The following SHOC2 variants were observed in gnomAD, a reference collection of about 807,000 sequenced individuals.
SHOC2 encodes leucine-rich repeat protein SHOC-2.
SHOC2 carries 4 observed loss-of-function variants against 50.2 expected under a neutral mutation model. The observed-to-expected ratio is 0.08, with a 90% CI of 0.04 to 0.18. The LOEUF (loss-of-function observed/expected upper bound fraction) is 0.18, where lower values mean the gene tolerates loss of function less well. Among genes scored for constraint, SHOC2 ranks in the 10% least tolerant of loss-of-function variants. SHOC2 has a pLI of 1.00. For missense variants in SHOC2, 388 were observed against 669.6 expected, an observed-to-expected ratio of 0.58 and a Z score of 4.64; for synonymous variants, 218 against 244.5, an observed-to-expected ratio of 0.89 and a Z score of 1.01.
intron 1 of SHOC2, among the ~76,000 whole-genome samples, chr10:110,926,407 C>A (rs759410982): frequency 3.3e-5 from 5 of 152,164 alleles, no homozygotes; most frequent in Non-Finnish European, 5.9e-5. Context: ...TGTTTTTAAA[C>A]ACACATTTTC....
chr10:111,009,472 C>T, intron 7 of SHOC2, 87 bp downstream of exon 7: 1 of 1,222,686 alleles, frequency 8.2e-7, no homozygotes, highest in Non-Finnish European at 1.2e-6. Flanking sequence ...TGATGTAATT[C>T]TTGGATCAGA....
intron 2 of SHOC2, among the ~76,000 whole-genome samples, chr10:110,981,862 A>T (rs1324974340): frequency 0.013 from 23 of 1,732 alleles, no homozygotes; most frequent in South Asian, 0.12. Context: ...TTATTTATTT[A>T]TTTATTTATT....
intron 1 of SHOC2, among the ~76,000 whole-genome samples, chr10:110,928,726 CT>C (rs1175990683): frequency 6.6e-6 from 1 of 152,066 alleles, no homozygotes; most frequent in Non-Finnish European, 1.5e-5. Context: ...GAAACCCCGT[CT>C]CTACCAAAAA....
At chr10:110,922,415 G>C (rs1166106560) in intron 1 of SHOC2, among the ~76,000 whole-genome samples, 1 of 151,352 alleles carries the variant, frequency 6.6e-6, no homozygotes, top group Non-Finnish European at 1.5e-5. Flanking sequence ...TTCAATATTT[G>C]TTGTATCATT....
chr10:110,954,320 G>C (rs1847415730), intron 1 of SHOC2, among the ~76,000 whole-genome samples: 1 of 152,052 alleles, frequency 6.6e-6, no homozygotes, highest in Non-Finnish European at 1.5e-5. Flanking sequence ...TGGTTAGGGT[G>C]GCAGGAGTAT....
intron 1 of SHOC2, among the ~76,000 whole-genome samples, chr10:110,932,230 G>A (rs1268576794): frequency 6.6e-6 from 1 of 152,166 alleles, no homozygotes; most frequent in Non-Finnish European, 1.5e-5. Context: ...TATTAGAGTT[G>A]TGGCAAAAGT....
chr10:110,941,058 A>G (rs1253853327), intron 1 of SHOC2, among the ~76,000 whole-genome samples: 3 of 151,426 alleles, frequency 2.0e-5, no homozygotes, highest in East Asian at 1.9e-4. Flanking sequence ...CGGCCTCCCA[A>G]GTAGCTGAGA....
intron 1 of SHOC2, among the ~76,000 whole-genome samples, chr10:110,939,085 T>C (rs948520219): frequency 6.6e-5 from 10 of 152,212 alleles, no homozygotes; most frequent in Admixed American, 2.0e-4. Context: ...TTTGGAAATC[T>C]TGTAGCCCTC....
At chr10:110,980,302 G>A (rs1046538411) in intron 2 of SHOC2, among the ~76,000 whole-genome samples, 3 of 151,836 alleles carry the variant, frequency 2.0e-5, no homozygotes, top group Non-Finnish European at 2.9e-5. Context: ...GACTACAGGC[G>A]CCCACCACCA....
chr10:110,935,284 T>G (rs1046524822), intron 1 of SHOC2, among the ~76,000 whole-genome samples: 3 of 152,228 alleles, frequency 2.0e-5, no homozygotes, highest in African/African-American at 7.2e-5. Flanking sequence ...TTAAATGACA[T>G]GCTAGTAGGT....
intron 1 of SHOC2, among the ~76,000 whole-genome samples, chr10:110,926,580 A>C (rs560358071): frequency 3.3e-5 from 5 of 152,346 alleles, no homozygotes; most frequent in African/African-American, 1.2e-4. Context: ...AGCCAGATGC[A>C]AGACATTTTG....
intron 2 of SHOC2, among the ~76,000 whole-genome samples, chr10:110,975,236 A>G (rs915415119): frequency 6.6e-6 from 1 of 151,716 alleles, no homozygotes; most frequent in African/African-American, 2.4e-5. Flanking sequence ...GCTCACTGCA[A>G]GCTCCGCCTT....
chr10:110,939,985 A>T (rs979455601), intron 1 of SHOC2, among the ~76,000 whole-genome samples: 1 of 152,218 alleles, frequency 6.6e-6, no homozygotes, highest in South Asian at 2.1e-4. Context: ...TCTTTTTAAC[A>T]TACTTTTCAG....
intron 3 of SHOC2, among the ~76,000 whole-genome samples, chr10:110,988,549 A>G (rs892880355): frequency 5.3e-5 from 8 of 152,130 alleles, no homozygotes; most frequent in African/African-American, 1.9e-4. Context: ...CCACCTCTCT[A>G]ATTCCTGATA....
chr10:110,979,217 G>T (rs1015761560), intron 2 of SHOC2, among the ~76,000 whole-genome samples: 16 of 152,214 alleles, frequency 1.1e-4, no homozygotes, highest in African/African-American at 3.6e-4. Context: ...TCAATTTCTT[G>T]CTGTTGGCTG....
intron 2 of SHOC2, among the ~76,000 whole-genome samples, chr10:110,984,117 A>G (rs545913439): frequency 8.8e-4 from 134 of 152,272 alleles, no homozygotes; most frequent in African/African-American, 3.1e-3. Flanking sequence ...ACCATTTCCC[A>G]ACAGCAATGC....
intron 1 of SHOC2, among the ~76,000 whole-genome samples, chr10:110,942,639 C>G (rs1054645843): frequency 1.3e-5 from 2 of 152,184 alleles, no homozygotes; most frequent in South Asian, 4.1e-4. Flanking sequence ...ACCAGGCTAC[C>G]TCTCTGTAAT....
At position 110,919,758 on chromosome 10, in the gene SHOC2, C is replaced by G. The variant is rs1396585532; in HGVS notation, c.-235+101C>G. 4.3e-5 allele frequency: 17 copies of G among 395,598 alleles called. No homozygotes were observed. The East Asian group carries it at 6.1e-4, about 14-fold the overall frequency. 24.5% of individuals were successfully genotyped at this position (395,598 alleles called of 1,614,324 possible). ...CGGGCTGGCTGTCGGTAGGGGGAGGCCCCGTGCGCCCTGACAGGCGCGAGC... is the reference window on the plus strand; with the variant it reads ...CGGGCTGGCTGTCGGTAGGGGGAGGGCCCGTGCGCCCTGACAGGCGCGAGC... On this transcript the variant is annotated intron_variant, in intron 1 of 8. Coordinates refer to ENST00000369452, the MANE Select transcript of SHOC2 (RefSeq NM_007373.4).
rs1847644601 is a variant in SHOC2 at position 110,964,929 on chromosome 10, C to G, written c.571C>G (p.Leu191Val). The change falls in exon 2 of 9, where the codon CTG becomes GTG. Residue 191 changes from leucine (L) to valine (V), a missense_variant. Around this residue, in one of 5 missense-constraint regions of SHOC2, gnomAD observed 88 missense variants for 147.2 expected, o/e 0.60. Coordinates refer to ENST00000369452, the MANE Select transcript of SHOC2 (RefSeq NM_007373.4). This position sits in a 1 kb window ranked among gnomAD's most constrained non-coding sequence, Gnocchi z 4.9. Reference sequence around the variant, plus strand: ...AGAAATTCCTTCAGTGGTGTATAGGCTGGATTCTCTCACCACTCTTTACCT... The same window carrying G: ...AGAAATTCCTTCAGTGGTGTATAGGGTGGATTCTCTCACCACTCTTTACCT... ...LREIPSVVYRLDSLTTLYLRF... is the reference protein window; with the variant it reads ...LREIPSVVYRVDSLTTLYLRF... 4.3e-6 allele frequency: 7 copies of G among 1,613,740 alleles called. No individual in the cohort carries two copies. The highest frequency in any genetic ancestry group is 4.5e-5 in the East Asian group (2 of 44,882).
Sources: gnomAD v4.1 joint callset for allele counts (sites outside exome capture counted in the v4.1 genomes callset) on GRCh38, gnomAD v4.1.1 for gene constraint, gnomAD v4.1.1 regional missense constraint, Gnocchi (gnomAD v3.1) non-coding constraint, MANE v1.5 for transcripts, NCBI Gene and HGNC (gene_info 2026-07-23, HGNC 2026-07-21) for gene names.